SEPTIN11: variants seen among roughly 807,000 people sequenced by gnomAD.
SEPTIN11 encodes the protein septin 11, also known as septin-11.
Under a neutral mutation model 51.4 loss-of-function variants are expected in SEPTIN11, and 25 were observed. The ratio of observed to expected loss-of-function variants is 0.49; its 90% CI spans 0.35 to 0.68. The LOEUF is 0.68. Ranked by LOEUF, SEPTIN11 falls within the 30% of genes least tolerant of loss-of-function variation. The pLI, the probability that SEPTIN11 is intolerant of heterozygous loss-of-function variation, is 0.00. For missense variants in SEPTIN11, 381 were observed against 520.8 expected (o/e 0.73, Z 2.61); for synonymous variants, 174 against 184.1 (o/e 0.95, Z 0.44).
At chr4:76,951,981 T>C (rs1721369389) in intron 1 of SEPTIN11, among the ~76,000 whole-genome samples, 1 of 152,210 alleles carries the variant, frequency 6.6e-6, no homozygotes, top group Admixed American at 6.5e-5. Flanking sequence ...TAAATTACAA[T>C]CTAAAGACAG....
intron 9 of SEPTIN11, among the ~76,000 whole-genome samples, chr4:77,032,611 T>G (rs922580689): frequency 2.0e-5 from 3 of 152,168 alleles, no homozygotes; most frequent in Non-Finnish European, 4.4e-5. Context: ...TCTATAGGTA[T>G]GAATGAGACA....
chr4:77,025,466 G>T (rs1396454403), intron 7 of SEPTIN11, among the ~76,000 whole-genome samples: 2 of 152,016 alleles, frequency 1.3e-5, no homozygotes, highest in African/African-American at 4.8e-5. Flanking sequence ...GATCGCTTGA[G>T]CCCAGGAGTT....
In SEPTIN11 at chr4:76,949,939, T is replaced by C; in HGVS notation, c.27+9T>C. On this transcript the variant is annotated intron_variant, in intron 1 of 9. Coordinates refer to ENST00000264893, the MANE Select transcript of SEPTIN11 (RefSeq NM_018243.4). ...CCGTGGGGAGACCGTCTGTGAGTGC[T>C]GGGGCCTCGCCTGCTGCTCCTCGGG... 1.3e-6 allele frequency: 2 copies of C among 1,499,378 alleles called. No individual in the cohort carries two copies. The highest frequency in any genetic ancestry group is 1.8e-6 in the Non-Finnish European group (2 of 1,130,988). 92.9% of individuals were successfully genotyped at this position (1,499,378 alleles called of 1,614,324 possible). A position where few individuals can be genotyped will look rare whatever the true frequency, so the allele number is the denominator to read the frequency against.
chr4:77,004,949 C>T (rs543381219), intron 2 of SEPTIN11, among the ~76,000 whole-genome samples: 2 of 151,904 alleles, frequency 1.3e-5, no homozygotes, highest in African/African-American at 4.8e-5. Context: ...GGGGACAGAG[C>T]GAGACTCTGT....
intron 2 of SEPTIN11, among the ~76,000 whole-genome samples, chr4:77,000,500 T>G (rs1724039744): frequency 1.3e-5 from 2 of 152,252 alleles, no homozygotes; most frequent in African/African-American, 4.8e-5. Flanking sequence ...TACATTTTTC[T>G]CTCAGCTTAG....
chr4:76,961,843 A>G (rs187243550), intron 1 of SEPTIN11, among the ~76,000 whole-genome samples: 7 of 152,214 alleles, frequency 4.6e-5, no homozygotes, highest in Non-Finnish European at 8.8e-5. Context: ...AGAGCTGCAC[A>G]TGCATTTCTG....
chr4:77,029,926 A>G (rs1192634310), intron 8 of SEPTIN11, among the ~76,000 whole-genome samples: 1 of 152,164 alleles, frequency 6.6e-6, no homozygotes, highest in East Asian at 1.9e-4. Flanking sequence ...AGAGGTAAAG[A>G]ACCACTTTTA....
chr4:77,028,594 C>A, intron 7 of SEPTIN11, 35 bp from the exon 8 acceptor site: 2 of 1,547,408 alleles, frequency 1.3e-6, no homozygotes, highest in East Asian at 2.3e-5. Flanking sequence ...TATACAATTT[C>A]ATGATGCTGT....
At position 77,003,412 on chromosome 4, in the gene SEPTIN11, A is replaced by G. The variant is rs76401092; in HGVS notation, c.143-2189A>G. 7.4e-3 allele frequency among the ~76,000 whole-genome samples: 1,133 copies of G among 152,336 alleles called. 10 individuals carry two copies. The highest frequency in any genetic ancestry group is 0.026 in the African/African-American group (1,070 of 41,570). On this transcript the variant is annotated intron_variant, in intron 2 of 9. Transcript: ENST00000264893. ...AGAGTCTGACTGGTATTATTCAGTC[A>G]TGTTCTAGACCAGATTCTAAGATGT...
chr4:76,950,402 G>A (rs899608885), intron 1 of SEPTIN11, among the ~76,000 whole-genome samples: 1 of 152,202 alleles, frequency 6.6e-6, no homozygotes, highest in East Asian at 1.9e-4. Flanking sequence ...TGGGATTTCC[G>A]TGGTGGCCTC....
At chr4:76,960,298 G>A (rs2109885618) in intron 1 of SEPTIN11, among the ~76,000 whole-genome samples, 2 of 152,268 alleles carry the variant, frequency 1.3e-5, no homozygotes, top group Middle Eastern at 6.8e-3. Context: ...CCAATCCTTA[G>A]TCAACCTCTT....
At chr4:77,020,414 T>C in intron 6 of SEPTIN11, 88 bp from the exon 7 acceptor site, 1 of 1,477,048 alleles carries the variant, frequency 6.8e-7, no homozygotes, top group Non-Finnish European at 9.3e-7. Context: ...TCAGGAGTGA[T>C]GGTAATAACA....
chr4:76,998,721 C>G (rs191167190), intron 2 of SEPTIN11, among the ~76,000 whole-genome samples: 1 of 151,860 alleles, frequency 6.6e-6, no homozygotes. Context: ...GGTTCTTGAT[C>G]CTGCTTCTGC....
At chr4:76,982,953 GTTTTTT>G in intron 1 of SEPTIN11, among the ~76,000 whole-genome samples, 1 of 147,918 alleles carries the variant, frequency 6.8e-6, no homozygotes, top group South Asian at 2.2e-4. Context: ...TTTTGTTTTT[GTTTTTT>G]TTTTAGCTGG....
chr4:76,985,213 T>G (rs1722964165), intron 1 of SEPTIN11: 1 of 152,234 alleles, frequency 6.6e-6, no homozygotes, highest in Admixed American at 6.5e-5. Context: ...AGAAAATGTC[T>G]TTTTTGTTGT....
In SEPTIN11 at chr4:76,949,854, G is replaced by A. The variant is rs372945733; in HGVS notation, c.-50G>A. The A allele has an allele frequency of 5.0e-5, 76 of 1,506,896 alleles. No individual in the cohort carries two copies. The African/African-American group carries it at 9.6e-4, about 19-fold the overall frequency. The allele number at this position is 1,506,896 out of a possible 1,614,324, so 93.3% of individuals were successfully genotyped here. On this transcript the variant is annotated 5_prime_UTR_variant, in exon 1 of 10. Transcript: ENST00000264893. ...GGAGCCCGAGCACTAGCAGCAGCCG[G>A]AGTCGGCGTAAAGCACCCGGGCGCA...
At chr4:76,962,327 GT>G (rs1214725047) in intron 1 of SEPTIN11, among the ~76,000 whole-genome samples, 5 of 152,238 alleles carry the variant, frequency 3.3e-5, no homozygotes, top group African/African-American at 7.2e-5. Flanking sequence ...GAATTTAAAT[GT>G]TTTGGCTATA....
At chr4:76,982,376 A>G (rs1311036726) in intron 1 of SEPTIN11, among the ~76,000 whole-genome samples, 3 of 151,602 alleles carry the variant, frequency 2.0e-5, no homozygotes, top group Admixed American at 2.0e-4. Flanking sequence ...ATGCCTGGCT[A>G]ATTTTTGTAT....
intron 8 of SEPTIN11, 71 bp from the exon 9 acceptor site, chr4:77,030,712 C>T: frequency 7.0e-7 from 1 of 1,423,920 alleles, no homozygotes; most frequent in Non-Finnish European, 9.4e-7. Flanking sequence ...GTTTTTTGAA[C>T]AGATCCAAAG....
Sources: allele counts gnomAD v4.1 joint callset (sites outside exome capture counted in the v4.1 genomes callset), GRCh38; gene constraint gnomAD v4.1.1; transcripts MANE v1.5; gene names NCBI Gene and HGNC (gene_info 2026-07-23, HGNC 2026-07-21).